TBCA: variants seen among roughly 807,000 people sequenced by gnomAD.
TBCA encodes tubulin folding cofactor A.
Under a neutral mutation model 15.8 loss-of-function variants are expected in TBCA, and 6 were observed. The observed-to-expected ratio is 0.38, with a 90% CI of 0.21 to 0.75. The LOEUF (loss-of-function observed/expected upper bound fraction) is 0.75. Among genes scored for constraint, TBCA ranks in the 30% least tolerant of loss-of-function variants. TBCA has a pLI of 0.46. For synonymous variants in TBCA, 32 were observed against 42.3 expected (o/e 0.76, Z 0.94); for missense variants, 90 against 131.2 (o/e 0.69, Z 1.53).
intron 1 of TBCA, among the ~76,000 whole-genome samples, chr5:77,739,485 C>T (rs1746984869): frequency 6.6e-6 from 1 of 152,140 alleles, no homozygotes; most frequent in African/African-American, 2.4e-5. Context: ...AAATATCTTG[C>T]TCTATAGAGA....
At chr5:77,755,627 G>C (rs537133670) in intron 1 of TBCA, among the ~76,000 whole-genome samples, 20 of 152,094 alleles carry the variant, frequency 1.3e-4, no homozygotes, top group Non-Finnish European at 2.4e-4. Flanking sequence ...CACAAGAACA[G>C]ACCTAATATG....
chr5:77,703,925 G>T (rs1391708823), intron 2 of TBCA, among the ~76,000 whole-genome samples: 1 of 127,170 alleles, frequency 7.9e-6, no homozygotes, highest in Non-Finnish European at 1.7e-5. Context: ...CTGATAGTGA[G>T]TGAGTTCTCA....
chr5:77,703,600 A>C (rs962659747), intron 2 of TBCA, among the ~76,000 whole-genome samples: 4 of 152,088 alleles, frequency 2.6e-5, no homozygotes, highest in African/African-American at 9.7e-5. Flanking sequence ...TTTTTGAGAC[A>C]AGGCCTCACT....
At chr5:77,774,737 G>C (rs749773745) in intron 1 of TBCA, among the ~76,000 whole-genome samples, 9 of 152,160 alleles carry the variant, frequency 5.9e-5, no homozygotes, top group Non-Finnish European at 8.8e-5. Context: ...TCCTGAGGCT[G>C]TCACAGGCAT....
intron 1 of TBCA, among the ~76,000 whole-genome samples, chr5:77,757,320 G>A (rs1336919130): frequency 2.0e-5 from 3 of 152,130 alleles, no homozygotes; most frequent in African/African-American, 7.2e-5. Flanking sequence ...CCTAGGAACG[G>A]GACCCCAGCT....
chr5:77,736,131 G>A (rs183516163), intron 1 of TBCA, among the ~76,000 whole-genome samples: 4 of 151,948 alleles, frequency 2.6e-5, no homozygotes, highest in Non-Finnish European at 5.9e-5. Context: ...TTAGGAGATC[G>A]AGACCATCCT....
intron 2 of TBCA, among the ~76,000 whole-genome samples, chr5:77,704,512 A>C (rs1483480271): frequency 6.6e-6 from 1 of 152,214 alleles, no homozygotes; most frequent in Admixed American, 6.5e-5. Flanking sequence ...GAAGAGGAAG[A>C]AATCTAGGGA....
chr5:77,707,787 T>C (rs747765352), intron 2 of TBCA, among the ~76,000 whole-genome samples: 29 of 152,218 alleles, frequency 1.9e-4, no homozygotes, highest in Non-Finnish European at 3.4e-4. Flanking sequence ...TTATATCTGA[T>C]ACTTAAAATT....
At chr5:77,701,560 G>A (rs192234064) in intron 2 of TBCA, among the ~76,000 whole-genome samples, 1 of 151,308 alleles carries the variant, frequency 6.6e-6, no homozygotes, top group Non-Finnish European at 1.5e-5. Flanking sequence ...CTACCCAGAG[G>A]AAAAGACGTC....
At chr5:77,728,510 C>T (rs1746681742) in intron 1 of TBCA, among the ~76,000 whole-genome samples, 1 of 151,978 alleles carries the variant, frequency 6.6e-6, no homozygotes, top group African/African-American at 2.4e-5. Context: ...ACCATGTAAA[C>T]CATGGCAGTC....
chr5:77,744,519 T>C (rs1747131363), intron 1 of TBCA, among the ~76,000 whole-genome samples: 2 of 149,632 alleles, frequency 1.3e-5, no homozygotes, highest in African/African-American at 4.9e-5. Flanking sequence ...GAAAACAGAA[T>C]GTCTTATTCA....
intron 3 of TBCA, chr5:77,692,792 G>C (rs1745784198): frequency 2.9e-6 from 3 of 1,028,328 alleles, no homozygotes; most frequent in Non-Finnish European, 3.5e-6. Flanking sequence ...CTCCAAGTTA[G>C]TATGAGGGGA....
chr5:77,691,660 T>A lies in TBCA; in HGVS notation c.247-162A>T, dbSNP rs115431100. 2.9e-3 allele frequency: 3,924 copies of A among 1,366,224 alleles called. 101 individuals are homozygous for A. In the African/African-American group the frequency reaches 0.05, roughly 17 times the overall value. 84.6% of individuals were successfully genotyped at this position (1,366,224 alleles called of 1,614,324 possible). Reference sequence around the variant, plus strand: ...ATTGTAATTCCACAGGTTTCCCACATTCTGTTCCTTCTTTACAAGGAAAGG... The same window carrying A: ...ATTGTAATTCCACAGGTTTCCCACAATCTGTTCCTTCTTTACAAGGAAAGG... On this transcript the variant is annotated intron_variant, in intron 3 of 3. Transcript: ENST00000380377.
intron 2 of TBCA, among the ~76,000 whole-genome samples, chr5:77,701,416 G>A (rs1408891724): frequency 6.6e-6 from 1 of 151,852 alleles, no homozygotes; most frequent in Non-Finnish European, 1.5e-5. Flanking sequence ...AATAATAGAT[G>A]TTGGTGTGCA....
At chr5:77,705,528 T>C (rs1746131034) in intron 2 of TBCA, 2 of 398,528 alleles carry the variant, frequency 5.0e-6, no homozygotes, top group East Asian at 7.1e-5. Context: ...GGGTCGTTAG[T>C]TCATAAAGGC....
At chr5:77,756,265 A>C (rs1747475334) in intron 1 of TBCA, among the ~76,000 whole-genome samples, 1 of 152,166 alleles carries the variant, frequency 6.6e-6, no homozygotes, top group Non-Finnish European at 1.5e-5. Context: ...CAGAGGGCTC[A>C]AAGTGCAGAG....
chr5:77,710,540 G>A (rs1376936783), intron 1 of TBCA, among the ~76,000 whole-genome samples: 2 of 152,052 alleles, frequency 1.3e-5, no homozygotes, highest in Non-Finnish European at 2.9e-5. Flanking sequence ...AAGAATATTT[G>A]TTTAAAAAAA....
chr5:77,746,877 A>C (rs1747198091), intron 1 of TBCA, among the ~76,000 whole-genome samples: 1 of 152,160 alleles, frequency 6.6e-6, no homozygotes, highest in African/African-American at 2.4e-5. Flanking sequence ...TATATCATGC[A>C]GTTTCTTCGA....
intron 1 of TBCA, among the ~76,000 whole-genome samples, chr5:77,757,964 A>G (rs1398564635): frequency 6.6e-6 from 1 of 152,200 alleles, no homozygotes; most frequent in Non-Finnish European, 1.5e-5. Context: ...TTGCCTCCTC[A>G]GAAGAAAGAA....
Sources: gnomAD v4.1 joint callset for allele counts (sites outside exome capture counted in the v4.1 genomes callset) on GRCh38, gnomAD v4.1.1 for gene constraint, MANE v1.5 for transcripts, NCBI Gene and HGNC (gene_info 2026-07-23, HGNC 2026-07-21) for gene names.